PRKAR1B: variants seen among roughly 807,000 people sequenced by gnomAD.
The protein encoded by PRKAR1B is protein kinase cAMP-dependent type I regulatory subunit beta, also known as cAMP-dependent protein kinase type I-beta regulatory subunit.
A neutral mutation model predicts 46.5 loss-of-function variants in PRKAR1B; 22 were observed. That is an observed-to-expected ratio of 0.47 (90% CI 0.34 to 0.68). The LOEUF (loss-of-function observed/expected upper bound fraction) is 0.68, where lower values mean the gene tolerates loss of function less well. Among genes scored for constraint, PRKAR1B ranks in the 30% least tolerant of loss-of-function variants. The pLI, the probability that PRKAR1B is intolerant of heterozygous loss-of-function variation, is 0.01. For synonymous variants in PRKAR1B, 259 were observed against 217.7 expected, an observed-to-expected ratio of 1.19 and a Z score of -1.67; for missense variants, 445 against 535.6, an observed-to-expected ratio of 0.83 and a Z score of 1.67.
At chr7:685,340 A>T in intron 2 of PRKAR1B, among the ~76,000 whole-genome samples, 1 of 89,048 alleles carries the variant, frequency 1.1e-5, no homozygotes, top group Non-Finnish European at 2.1e-5. Flanking sequence ...ATATATACGT[A>T]TATATATGTA....
At chr7:682,733 ACT>A (rs1466868255) in intron 2 of PRKAR1B, among the ~76,000 whole-genome samples, 2 of 149,456 alleles carry the variant, frequency 1.3e-5, no homozygotes, top group Non-Finnish European at 3.0e-5. Flanking sequence ...ACAGAGCGAG[ACT>A]CTGTCTCAAA....
At chr7:636,977 C>A (rs1784146244) in intron 4 of PRKAR1B, among the ~76,000 whole-genome samples, 1 of 152,202 alleles carries the variant, frequency 6.6e-6, no homozygotes, top group South Asian at 2.1e-4. Context: ...ACAGGCCAAG[C>A]TCCAGGACCA....
rs550882803 is a variant in PRKAR1B, at chr7:678,852, G to T, written c.349-1532C>A. ...TGTAATCCCAGCACTTTGGGAGGCTGAGGCAGGTGGATCACCTGAGGTCAG... is the reference window on the plus strand; with the variant it reads ...TGTAATCCCAGCACTTTGGGAGGCTTAGGCAGGTGGATCACCTGAGGTCAG... On this transcript the variant is annotated intron_variant, in intron 3 of 10. Coordinates refer to ENST00000537384, the MANE Select transcript of PRKAR1B (RefSeq NM_001164760.2). Among the ~76,000 whole-genome samples the T allele has an allele frequency of 1.8e-4, 27 of 152,334 alleles. 1 individual carries two copies. The highest frequency in any genetic ancestry group is 6.5e-4 in the African/African-American group (27 of 41,572).
chr7:663,903 G>A (rs551589044), intron 4 of PRKAR1B, among the ~76,000 whole-genome samples: 9 of 152,284 alleles, frequency 5.9e-5, no homozygotes, highest in South Asian at 2.1e-4. Flanking sequence ...ACAGGTGGGC[G>A]TGCAGGGCCT....
At chr7:726,971 G>C in intron 1 of PRKAR1B, 2 of 1,308,712 alleles carry the variant, frequency 1.5e-6, no homozygotes, top group Middle Eastern at 2.9e-4. Context: ...TTGCTGCGCT[G>C]CCTGAGCGAC....
chr7:666,061 G>A lies in PRKAR1B; in HGVS notation c.440+11168C>T, dbSNP rs1013604492. On this transcript the variant is annotated intron_variant, in intron 4 of 10. Transcript: ENST00000537384. The surrounding 1 kb of genome is among the most constrained non-coding windows in gnomAD (Gnocchi z 4.9). ...TCCAGTAATGAGGTCCCCGCCGGAG[G>A]CCCAACGCACAACACAAACACGCAC... Among the ~76,000 whole-genome samples the A allele has an allele frequency of 1.3e-5, 2 of 152,204 alleles. No homozygotes were observed. The highest frequency in any genetic ancestry group is 2.9e-5 in the Non-Finnish European group (2 of 68,044).
intron 2 of PRKAR1B, among the ~76,000 whole-genome samples, chr7:696,200 C>G (rs556941237): frequency 6.6e-6 from 1 of 150,722 alleles, no homozygotes; most frequent in Non-Finnish European, 1.5e-5. Context: ...TAGTCTCAAG[C>G]GATCCTCCTG....
rs963219170 is a variant in PRKAR1B at position 593,952 on chromosome 7, T to C, written c.708+2194A>G. ...CATCCACAAAACACAAGAGCCGGCA[T>C]CGCCGTGGGGCCGGGACAGGCCAGC... On this transcript the variant is annotated intron_variant, in intron 7 of 10. Coordinates refer to ENST00000537384, the MANE Select transcript of PRKAR1B (RefSeq NM_001164760.2). The surrounding 1 kb of genome is among the most constrained non-coding windows in gnomAD (Gnocchi z 6.1). Among the ~76,000 whole-genome samples the C allele has an allele frequency of 6.6e-6, 1 of 152,150 alleles. No homozygotes were observed. The highest frequency in any genetic ancestry group is 1.5e-5 in the Non-Finnish European group (1 of 68,024).
chr7:638,594 T>A (rs189858063), intron 4 of PRKAR1B, among the ~76,000 whole-genome samples: 3 of 152,284 alleles, frequency 2.0e-5, no homozygotes, highest in Admixed American at 6.5e-5. Context: ...ATTGTCTTCC[T>A]CGTAATGACA....
chr7:575,133 G>A (rs1428247096), intron 9 of PRKAR1B, among the ~76,000 whole-genome samples: 1 of 152,224 alleles, frequency 6.6e-6, no homozygotes, highest in Non-Finnish European at 1.5e-5. Flanking sequence ...GCTCAGCCGG[G>A]CGGTTCTCAC....
At chr7:583,643 T>C (rs1228469044) in intron 8 of PRKAR1B, among the ~76,000 whole-genome samples, 1 of 110,798 alleles carries the variant, frequency 9.0e-6, no homozygotes, top group Non-Finnish European at 1.8e-5. Context: ...CACACTCACA[T>C]GCATGCACAC....
At chr7:643,956 C>A (rs377145533) in intron 4 of PRKAR1B, among the ~76,000 whole-genome samples, 4 of 152,238 alleles carry the variant, frequency 2.6e-5, no homozygotes, top group African/African-American at 9.6e-5. Context: ...CCAGACATCG[C>A]GGGGCAGGGA....
intron 2 of PRKAR1B, chr7:691,786 C>T: frequency 1.7e-6 from 2 of 1,192,298 alleles, no homozygotes; most frequent in Non-Finnish European, 2.1e-6. Context: ...CCGGCAATCA[C>T]CTCCTGCGGA....
intron 8 of PRKAR1B, among the ~76,000 whole-genome samples, chr7:579,933 C>T (rs1468580095): frequency 6.6e-6 from 1 of 151,934 alleles, no homozygotes; most frequent in Non-Finnish European, 1.5e-5. Flanking sequence ...CCCATCTCTA[C>T]AAAAAATGTT....
At chr7:610,702 C>T (rs1467438185) in intron 4 of PRKAR1B, among the ~76,000 whole-genome samples, 7 of 152,204 alleles carry the variant, frequency 4.6e-5, no homozygotes, top group African/African-American at 1.4e-4. Flanking sequence ...CTGCCCCTTT[C>T]ACACAAAACC....
Position 549,874 on chromosome 7 carries a change from G to C in PRKAR1B, c.*556C>G. ...CCGGCATCCGCAGCAGGGCCCCCGG[G>C]GGAGGTGGGGGTGCGGCGGGGTGCA... On this transcript the variant is annotated 3_prime_UTR_variant, in exon 11 of 11. Coordinates refer to ENST00000537384, the MANE Select transcript of PRKAR1B (RefSeq NM_001164760.2). 1 of 155,014 alleles carries C rather than the reference G, an allele frequency of 6.5e-6. No individual in the cohort carries two copies. The highest frequency in any genetic ancestry group is 3.3e-3 in the Middle Eastern group (1 of 304). The allele number at this position is 155,014 out of a possible 1,614,324, so 9.6% of individuals were successfully genotyped here. A position where few individuals can be genotyped will look rare whatever the true frequency, so the allele number is the denominator to read the frequency against.
At chr7:660,396 C>G (rs902701535) in intron 4 of PRKAR1B, among the ~76,000 whole-genome samples, 3 of 151,192 alleles carry the variant, frequency 2.0e-5, no homozygotes, top group Non-Finnish European at 3.0e-5. Context: ...GTCCCCACCC[C>G]AACAGATCCA....
Position 613,809 on chromosome 7 carries a change from G to A in PRKAR1B, c.441-6357C>T, listed in dbSNP as rs990384970. 1.3e-4 allele frequency among the ~76,000 whole-genome samples: 20 copies of A among 152,370 alleles called. No homozygotes were observed. The East Asian group carries it at 1.5e-3, about 12-fold the overall frequency. ...CCGGGCCTCCCGAGCCAAGACAAGC[G>A]CAGGTTGGGACTTGCACGGGAAAGC... On this transcript the variant is annotated intron_variant, in intron 4 of 10. Transcript: ENST00000537384.
intron 9 of PRKAR1B, among the ~76,000 whole-genome samples, chr7:557,649 C>A (rs1044827069): frequency 3.9e-5 from 6 of 152,172 alleles, no homozygotes; most frequent in African/African-American, 1.2e-4. Flanking sequence ...GGGCGGCCGC[C>A]GCAACCACCA....
Sources: gnomAD v4.1 joint callset for allele counts (sites outside exome capture counted in the v4.1 genomes callset) on GRCh38, gnomAD v4.1.1 for gene constraint, Gnocchi (gnomAD v3.1) non-coding constraint, MANE v1.5 for transcripts, NCBI Gene and HGNC (gene_info 2026-07-23, HGNC 2026-07-21) for gene names.